The following GULP1 variants were observed in gnomAD, a reference collection of about 807,000 sequenced individuals.
GULP1 encodes PTB domain-containing engulfment adapter protein 1.
In GULP1, 19 loss-of-function variants were observed where a neutral mutation model predicts 40.9. The observed-to-expected ratio is 0.46, with a 90% CI of 0.32 to 0.68. The LOEUF (loss-of-function observed/expected upper bound fraction) is 0.68, where lower values mean the gene tolerates loss of function less well. GULP1 is among the 30% of genes least tolerant of loss of function. GULP1 has a pLI of 0.03. For missense variants in GULP1, 312 were observed against 362.2 expected, an observed-to-expected ratio of 0.86 and a Z score of 1.12; for synonymous variants, 119 against 117.6, an observed-to-expected ratio of 1.01 and a Z score of -0.08.
intron 1 of GULP1, among the ~76,000 whole-genome samples, chr2:188,303,546 G>T (rs563233007): frequency 6.6e-6 from 1 of 152,206 alleles, no homozygotes; most frequent in Non-Finnish European, 1.5e-5. Context: ...CTGAAAGTCT[G>T]CAGTAAAGCT....
In GULP1 at chr2:188,529,185, C is replaced by A; in HGVS notation, c.251C>A (p.Pro84His). 4 of 1,501,072 alleles carry A rather than the reference C, an allele frequency of 2.7e-6. No individual in the cohort carries two copies. Among genetic ancestry groups the A allele is most frequent in the East Asian group, 2.3e-5 (1 of 43,758 alleles). The allele number at this position is 1,501,072 out of a possible 1,614,324, so 93.0% of individuals were successfully genotyped here. A position where few individuals can be genotyped will look rare whatever the true frequency, so the allele number is the denominator to read the frequency against. The change falls in exon 6 of 12, where the codon CCC (proline) becomes CAC (histidine). Residue 84 changes from proline (P) to histidine (H), a missense_variant. Physicochemically the swap from Pro to His is moderately conservative, Grantham distance 77 (BLOSUM62 -2). Coordinates refer to ENST00000409830, the MANE Select transcript of GULP1 (RefSeq NM_016315.4). ...ISIYGVKILE[P>H]KTKEVQHNCQ... Reference sequence around the variant, plus strand: ...ATTTATGGAGTAAAAATTCTAGAACCCAAAACAAAGGTAAGGCTTTTTTTT... The same window carrying A: ...ATTTATGGAGTAAAAATTCTAGAACACAAAACAAAGGTAAGGCTTTTTTTT...
At chr2:188,574,419 T>C (rs1264727876) in intron 9 of GULP1, among the ~76,000 whole-genome samples, 1 of 151,746 alleles carries the variant, frequency 6.6e-6, no homozygotes, top group Non-Finnish European at 1.5e-5. Flanking sequence ...AGTCCAGGAG[T>C]TGGAGACCAG....
At chr2:188,463,728 C>T (rs1247630993) in intron 2 of GULP1, among the ~76,000 whole-genome samples, 1 of 151,664 alleles carries the variant, frequency 6.6e-6, no homozygotes, top group African/African-American at 2.4e-5. Context: ...TGTGTGCTTC[C>T]AAATAGCCTG....
At chr2:188,357,861 A>G (rs1329173763) in intron 1 of GULP1, among the ~76,000 whole-genome samples, 1 of 152,154 alleles carries the variant, frequency 6.6e-6, no homozygotes, top group East Asian at 1.9e-4. Context: ...ATATGTGTAC[A>G]ATACAATATG....
chr2:188,305,777 A>G (rs912932924), intron 1 of GULP1, among the ~76,000 whole-genome samples: 1 of 152,136 alleles, frequency 6.6e-6, no homozygotes, highest in Non-Finnish European at 1.5e-5. Context: ...CTTTTTAAAA[A>G]GATTTTCAAA....
intron 1 of GULP1, among the ~76,000 whole-genome samples, chr2:188,313,543 A>G (rs1330195996): frequency 3.3e-5 from 5 of 152,184 alleles, no homozygotes; most frequent in African/African-American, 1.2e-4. Flanking sequence ...GAAGTCAGGT[A>G]GCATGATGCC....
intron 1 of GULP1, among the ~76,000 whole-genome samples, chr2:188,325,398 C>T (rs2040607468): frequency 6.6e-6 from 1 of 151,994 alleles, no homozygotes; most frequent in Admixed American, 6.6e-5. Flanking sequence ...ATGCCTTGTT[C>T]AATCTCGTGT....
chr2:188,504,333 G>GTA (rs1230112158), intron 4 of GULP1, among the ~76,000 whole-genome samples: 6 of 151,906 alleles, frequency 3.9e-5, no homozygotes, highest in African/African-American at 1.4e-4. Flanking sequence ...ACTGGAAGTA[G>GTA]GAACTATACT....
chr2:188,391,721 A>C (rs774335334), intron 2 of GULP1, among the ~76,000 whole-genome samples: 2 of 152,074 alleles, frequency 1.3e-5, no homozygotes, highest in African/African-American at 4.8e-5. Flanking sequence ...ACTCTTCCCC[A>C]TTCAGTATGA....
chr2:188,583,509 C>T (rs1701740968), intron 9 of GULP1, among the ~76,000 whole-genome samples: 1 of 152,084 alleles, frequency 6.6e-6, no homozygotes, highest in East Asian at 1.9e-4. Context: ...CCCTGTTTTA[C>T]AAAGTGATAA....
At chr2:188,414,792 A>G (rs765742380) in intron 2 of GULP1, among the ~76,000 whole-genome samples, 4 of 152,246 alleles carry the variant, frequency 2.6e-5, no homozygotes, top group Non-Finnish European at 5.9e-5. Context: ...ACACAATTAC[A>G]GAAAGAGTTC....
intron 2 of GULP1, among the ~76,000 whole-genome samples, chr2:188,424,918 G>A (rs2055963312): frequency 6.6e-6 from 1 of 151,964 alleles, no homozygotes; most frequent in African/African-American, 2.4e-5. Flanking sequence ...AGATATAAAG[G>A]TTTGATCAGA....
At chr2:188,542,320 T>C (rs2153331502) in intron 7 of GULP1, among the ~76,000 whole-genome samples, 1 of 152,276 alleles carries the variant, frequency 6.6e-6, no homozygotes, top group African/African-American at 2.4e-5. Flanking sequence ...TTTGCTGCTG[T>C]CAAAAATAAC....
intron 5 of GULP1, among the ~76,000 whole-genome samples, chr2:188,523,906 A>G (rs80230331): frequency 0.059 from 8,943 of 152,298 alleles, 373 homozygotes; most frequent in Non-Finnish European, 0.084. Flanking sequence ...TCCGAAGATA[A>G]TATCACTCCC....
At chr2:188,520,784 T>C (rs897758003) in intron 4 of GULP1, among the ~76,000 whole-genome samples, 5 of 152,196 alleles carry the variant, frequency 3.3e-5, no homozygotes, top group Non-Finnish European at 7.3e-5. Context: ...AGAAATATAA[T>C]TCGCTTGCCC....
intron 4 of GULP1, among the ~76,000 whole-genome samples, chr2:188,504,790 G>C (rs1342647627): frequency 6.6e-6 from 1 of 151,788 alleles, no homozygotes; most frequent in African/African-American, 2.4e-5. Flanking sequence ...CTAATCAACA[G>C]TGAATCATAA....
intron 4 of GULP1, among the ~76,000 whole-genome samples, chr2:188,494,957 C>T (rs1056130623): frequency 1.3e-5 from 2 of 152,044 alleles, no homozygotes; most frequent in Non-Finnish European, 2.9e-5. Flanking sequence ...CCTGATACCA[C>T]AGTCCTCTCA....
intron 1 of GULP1, among the ~76,000 whole-genome samples, chr2:188,334,888 G>C (rs1470888649): frequency 6.6e-6 from 1 of 152,174 alleles, no homozygotes; most frequent in African/African-American, 2.4e-5. Context: ...TACAAGTTGT[G>C]ATGGAAATAA....
At chr2:188,341,729 A>G (rs1403674257) in intron 1 of GULP1, among the ~76,000 whole-genome samples, 3 of 152,274 alleles carry the variant, frequency 2.0e-5, no homozygotes, top group African/African-American at 4.8e-5. Flanking sequence ...AATATAAATT[A>G]TCACATTTCT....
Sources: allele counts gnomAD v4.1 joint callset (sites outside exome capture counted in the v4.1 genomes callset), GRCh38; gene constraint gnomAD v4.1.1; transcripts MANE v1.5; gene names NCBI Gene and HGNC (gene_info 2026-07-23, HGNC 2026-07-21).